PLD5: variants seen among roughly 807,000 people sequenced by gnomAD.
The protein encoded by PLD5 is phospholipase D family member 5.
Under a neutral mutation model 61.1 loss-of-function variants are expected in PLD5, and 36 were observed. The observed-to-expected ratio is 0.59, with a 90% CI of 0.45 to 0.78. The LOEUF (loss-of-function observed/expected upper bound fraction) is 0.78. PLD5 is among the 30% of genes least tolerant of loss of function. PLD5 has a pLI of 0.00. For synonymous variants in PLD5, 243 were observed against 242.8 expected (o/e 1.00, Z -0.01); for missense variants, 515 against 644.4 (o/e 0.80, Z 2.17).
chr1:242,254,027 C>T (rs1672869733), intron 4 of PLD5, among the ~76,000 whole-genome samples: 1 of 152,192 alleles, frequency 6.6e-6, no homozygotes, highest in African/African-American at 2.4e-5. Flanking sequence ...AGAGTTAGTG[C>T]ACAACCATAC....
At chr1:242,512,428 A>G (rs2103002752) in intron 1 of PLD5, among the ~76,000 whole-genome samples, 1 of 151,660 alleles carries the variant, frequency 6.6e-6, no homozygotes, top group South Asian at 2.1e-4. Flanking sequence ...AAAAAAAAAA[A>G]AAAAATAGTA....
chr1:242,342,513 T>C (rs145478254), intron 2 of PLD5, among the ~76,000 whole-genome samples: 31 of 152,264 alleles, frequency 2.0e-4, no homozygotes, highest in African/African-American at 6.7e-4. Context: ...CACTAGCGAA[T>C]TGCAAAATAG....
chr1:242,460,709 C>A (rs766993563), intron 1 of PLD5, among the ~76,000 whole-genome samples: 3 of 152,050 alleles, frequency 2.0e-5, no homozygotes, highest in Non-Finnish European at 4.4e-5. Context: ...TAAGAATGAG[C>A]ACACTTCTGA....
At chr1:242,465,441 A>T (rs1368074075) in intron 1 of PLD5, among the ~76,000 whole-genome samples, 1 of 152,194 alleles carries the variant, frequency 6.6e-6, no homozygotes, top group Admixed American at 6.5e-5. Context: ...TCACTTGTCT[A>T]CTTGAAACTC....
chr1:242,432,431 C>T (rs1665770007), intron 1 of PLD5, among the ~76,000 whole-genome samples: 1 of 152,214 alleles, frequency 6.6e-6, no homozygotes, highest in Admixed American at 6.5e-5. Flanking sequence ...ATGGACCACA[C>T]TGTAATATGG....
At chr1:242,391,730 G>A (rs1383716112) in intron 1 of PLD5, among the ~76,000 whole-genome samples, 1 of 152,118 alleles carries the variant, frequency 6.6e-6, no homozygotes, top group Non-Finnish European at 1.5e-5. Flanking sequence ...AGATGCCAGG[G>A]CACACATGAC....
At chr1:242,272,726 A>G (rs1380214762) in intron 3 of PLD5, among the ~76,000 whole-genome samples, 1 of 152,156 alleles carries the variant, frequency 6.6e-6, no homozygotes, top group Non-Finnish European at 1.5e-5. Flanking sequence ...TAGCAAAACC[A>G]TGAAAGGAGG....
At chr1:242,452,048 C>A (rs1441914773) in intron 1 of PLD5, among the ~76,000 whole-genome samples, 108 of 152,118 alleles carry the variant, frequency 7.1e-4, no homozygotes, top group Non-Finnish European at 1.5e-4. Context: ...TCTCCCTTGA[C>A]CCTCCCAACA....
chr1:242,157,055 T>C (rs1457387726), intron 5 of PLD5, among the ~76,000 whole-genome samples: 1 of 152,134 alleles, frequency 6.6e-6, no homozygotes, highest in Non-Finnish European at 1.5e-5. Context: ...TTCATTCCCT[T>C]TCATTCTTTT....
chr1:242,369,746 G>A (rs1178663494), intron 1 of PLD5, among the ~76,000 whole-genome samples: 1 of 152,148 alleles, frequency 6.6e-6, no homozygotes, highest in Non-Finnish European at 1.5e-5. Flanking sequence ...AAAGAGAGCT[G>A]TCTATTCTTG....
At chr1:242,194,562 C>G (rs1274481807) in intron 5 of PLD5, among the ~76,000 whole-genome samples, 2 of 148,794 alleles carry the variant, frequency 1.3e-5, no homozygotes, top group African/African-American at 5.0e-5. Context: ...TGTGAGCTAT[C>G]TCTATATCTA....
chr1:242,173,285 A>G (rs530517447), intron 5 of PLD5, among the ~76,000 whole-genome samples: 292 of 152,236 alleles, frequency 1.9e-3, no homozygotes, highest in African/African-American at 6.8e-3. Flanking sequence ...AATCATGAGT[A>G]AACTCCCATT....
intron 4 of PLD5, among the ~76,000 whole-genome samples, chr1:242,220,684 T>C (rs191503059): frequency 3.3e-4 from 50 of 150,698 alleles, no homozygotes; most frequent in Admixed American, 2.1e-3. Context: ...TTCATCTTTA[T>C]CTGATAGTAT....
intron 1 of PLD5, among the ~76,000 whole-genome samples, chr1:242,423,791 TC>T (rs1169401366): frequency 6.6e-6 from 1 of 151,922 alleles, no homozygotes; most frequent in African/African-American, 2.4e-5. Context: ...TATTCACTGC[TC>T]CCCCTCCACT....
At chr1:242,412,995 T>C (rs995116) in intron 1 of PLD5, among the ~76,000 whole-genome samples, 61,354 of 152,042 alleles carry the variant, frequency 0.4, 12,981 homozygotes, top group African/African-American at 0.53. Context: ...AGTTTTTATT[T>C]TGGCCATTCT....
intron 6 of PLD5, among the ~76,000 whole-genome samples, chr1:242,119,943 C>T (rs1595120): frequency 0.86 from 130,639 of 152,154 alleles, 56,403 homozygotes; most frequent in African/African-American, 0.95. Flanking sequence ...TGTTGACAGA[C>T]GGGTAAACAA....
At chr1:242,394,516 ATATATATGTG>A (rs1390030186) in intron 1 of PLD5, among the ~76,000 whole-genome samples, 1 of 54,202 alleles carries the variant, frequency 1.8e-5, no homozygotes, top group East Asian at 4.8e-4. Context: ...ATATGTGAAC[ATATATATGTG>A]TATATATGTG....
chr1:242,086,778 G>C lies in PLD5; in HGVS notation c.*3076C>G, dbSNP rs1436073946. On this transcript the variant is annotated 3_prime_UTR_variant, in exon 10 of 10. Transcript: ENST00000536534. ...AGGATACATAAGGCACTAAGTTAGTGTTAGTGGTACTGAAATCCAAGATAT... is the reference window on the plus strand; with the variant it reads ...AGGATACATAAGGCACTAAGTTAGTCTTAGTGGTACTGAAATCCAAGATAT... 1 of 152,212 alleles carries C rather than the reference G, an allele frequency of 6.6e-6. No individual in the cohort carries two copies. The highest frequency in any genetic ancestry group is 2.4e-5 in the African/African-American group (1 of 41,448). 9.4% of individuals were successfully genotyped at this position (152,212 alleles called of 1,614,324 possible).
intron 1 of PLD5, among the ~76,000 whole-genome samples, chr1:242,463,737 G>A (rs1185611401): frequency 2.0e-5 from 3 of 149,302 alleles, no homozygotes; most frequent in Non-Finnish European, 4.4e-5. Flanking sequence ...TGTACACTCA[G>A]GACATCTCTT....
Sources: gnomAD v4.1 joint callset for allele counts (sites outside exome capture counted in the v4.1 genomes callset) on GRCh38, gnomAD v4.1.1 for gene constraint, MANE v1.5 for transcripts, NCBI Gene and HGNC (gene_info 2026-07-23, HGNC 2026-07-21) for gene names.